The following HDAC8 variants were observed in gnomAD, a reference collection of about 807,000 sequenced individuals.
HDAC8 encodes the protein histone deacetylase-like 1.
In HDAC8, 1 loss-of-function variant was observed where a neutral mutation model predicts 32.2. That is an observed-to-expected ratio of 0.03 (90% CI 0.01 to 0.15). The LOEUF is 0.15. Ranked by LOEUF, HDAC8 falls within the 10% of genes least tolerant of loss-of-function variation. The pLI is 1.00. For synonymous variants in HDAC8, 108 were observed against 113.9 expected (o/e 0.95, Z 0.33); for missense variants, 117 against 300.0 (o/e 0.39, Z 4.51).
In HDAC8 at chrX:72,388,267, C is replaced by T. The variant is rs565258876; in HGVS notation, c.1006-36429G>A. On this transcript the variant is annotated intron_variant, in intron 9 of 10. Coordinates refer to ENST00000373573, the MANE Select transcript of HDAC8 (RefSeq NM_018486.3). The stretch of plus-strand genomic sequence containing the variant: ...TAACATGATTAAAGTTGAACTGTTA[C>T]AAAATAACTGATATGAAGGATGGAT... Among the ~76,000 whole-genome samples, 433 of 109,744 alleles carry T rather than the reference C, an allele frequency of 3.9e-3. 2 individuals carry two copies. The highest frequency in any genetic ancestry group is 6.1e-3 in the Non-Finnish European group (319 of 52,612).
intron 9 of HDAC8, among the ~76,000 whole-genome samples, chrX:72,392,747 C>T (rs979490769): frequency 3.6e-5 from 4 of 112,085 alleles, no homozygotes; most frequent in Admixed American, 9.5e-5. Flanking sequence ...AACCCTTTTT[C>T]TGTTCTGAAA....
chrX:72,549,691 A>G (rs1556064844), intron 4 of HDAC8, among the ~76,000 whole-genome samples: 3 of 111,717 alleles, frequency 2.7e-5, no homozygotes, highest in East Asian at 5.6e-4. Context: ...TTCTTAGTTA[A>G]TGGCAACATA....
intron 4 of HDAC8, among the ~76,000 whole-genome samples, chrX:72,556,110 CA>C (rs1337610457): frequency 9.0e-6 from 1 of 111,638 alleles, no homozygotes; most frequent in Non-Finnish European, 1.9e-5. Context: ...CCTCCTTAAA[CA>C]AAACAATTAT....
intron 4 of HDAC8, among the ~76,000 whole-genome samples, chrX:72,551,137 C>G (rs1053162434): frequency 9.1e-5 from 10 of 109,934 alleles, no homozygotes; most frequent in Non-Finnish European, 1.5e-4. Context: ...TCTGGTAGAA[C>G]AGTCCACAAT....
intron 9 of HDAC8, among the ~76,000 whole-genome samples, chrX:72,437,699 C>T (rs2046992515): frequency 8.9e-6 from 1 of 111,910 alleles, no homozygotes; most frequent in African/African-American, 3.2e-5. Flanking sequence ...GGCGGTTTTC[C>T]ACTCACAGTG....
chrX:72,513,504 T>G (rs906504878), intron 4 of HDAC8, among the ~76,000 whole-genome samples: 1 of 109,971 alleles, frequency 9.1e-6, no homozygotes, highest in Non-Finnish European at 1.9e-5. Context: ...TTTTTTGTAT[T>G]TTTAGCAGAG....
At chrX:72,432,792 G>A (rs1429637172) in intron 9 of HDAC8, among the ~76,000 whole-genome samples, 1 of 109,968 alleles carries the variant, frequency 9.1e-6, no homozygotes, top group Admixed American at 9.7e-5. Flanking sequence ...ATGGCATGGG[G>A]ACCACATCTA....
intron 9 of HDAC8, among the ~76,000 whole-genome samples, chrX:72,414,984 G>A (rs190339583): frequency 5.4e-5 from 6 of 111,867 alleles, no homozygotes; most frequent in East Asian, 5.6e-4. Context: ...ACTATTGTTC[G>A]GTTACCTTAC....
rs910070171 is a variant in HDAC8, at chrX:72,534,282, C to T, written c.437+33607G>A. On this transcript the variant is annotated intron_variant, in intron 4 of 10. Transcript: ENST00000373573. ...ATAATAGCATCAAAAGAATAAAATA[C>T]GTAGCTATATATATATGTGTATATA... is the stretch of plus-strand genomic sequence containing the variant. Among the ~76,000 whole-genome samples the T allele has an allele frequency of 7.8e-5, 8 of 102,854 alleles. No individual in the cohort carries two copies. In the South Asian group the frequency reaches 1.7e-3, roughly 22 times the overall value. 89.3% of individuals were successfully genotyped at this position (102,854 alleles called of 115,157 possible).
At chrX:72,489,148 T>C (rs1291155635) in intron 6 of HDAC8, 107 bp from the exon 7 acceptor site, 1 of 506,985 alleles carries the variant, frequency 2.0e-6, no homozygotes, top group Non-Finnish European at 3.2e-6. Context: ...TTAAGAAAAA[T>C]TATATAAAGA....
rs782112853 is a variant in HDAC8 at position 72,566,310 on chromosome X, C to T, written c.437+1579G>A. Among the ~76,000 whole-genome samples the T allele has an allele frequency of 9.9e-5, 11 of 111,412 alleles. No homozygotes were observed. The South Asian group carries it at 1.5e-3, about 15-fold the overall frequency. ...ATTGTCTTTATTAAAAAACAAAAAA[C>T]AAAAAACAAACAAACAAACAAACAA... is the stretch of plus-strand genomic sequence containing the variant. On this transcript the variant is annotated intron_variant, in intron 4 of 10. Transcript: ENST00000373573.
At chrX:72,440,807 G>A (rs970845038) in intron 9 of HDAC8, among the ~76,000 whole-genome samples, 1 of 112,173 alleles carries the variant, frequency 8.9e-6, no homozygotes, top group Non-Finnish European at 1.9e-5. Flanking sequence ...GACAGCACCT[G>A]GAAAATCGGG....
At chrX:72,556,723 C>A (rs964218546) in intron 4 of HDAC8, among the ~76,000 whole-genome samples, 9 of 111,479 alleles carry the variant, frequency 8.1e-5, no homozygotes, top group Non-Finnish European at 1.7e-4. Context: ...AATATATATG[C>A]ACCTAACACT....
intron 10 of HDAC8, among the ~76,000 whole-genome samples, chrX:72,342,146 A>T (rs2043903211): frequency 8.9e-6 from 1 of 112,539 alleles, no homozygotes; most frequent in African/African-American, 3.2e-5. Context: ...CTCCCTCCAA[A>T]ATGTGCTTGG....
chrX:72,525,813 CAAAAAAAAAAA>C (rs57801277), intron 4 of HDAC8, among the ~76,000 whole-genome samples: 2,150 of 21,532 alleles, frequency 0.1, 155 homozygotes, highest in African/African-American at 0.31. Context: ...GACTCTGTCT[CAAAAAAAAAAA>C]AAAAAAAAAA....
chrX:72,446,498 A>G (rs1396569810), intron 9 of HDAC8, among the ~76,000 whole-genome samples: 1 of 110,288 alleles, frequency 9.1e-6, no homozygotes, highest in Non-Finnish European at 1.9e-5. Context: ...GAACACGTGG[A>G]CACAGGAAGG....
intron 9 of HDAC8, among the ~76,000 whole-genome samples, chrX:72,354,271 G>A (rs58729714): frequency 0.18 from 19,728 of 111,615 alleles, 2,203 homozygotes; most frequent in South Asian, 0.47. Context: ...TTGCCAATCA[G>A]ATGTTATTCC....
chrX:72,421,778 A>G (rs2046499133), intron 9 of HDAC8, among the ~76,000 whole-genome samples: 2 of 111,818 alleles, frequency 1.8e-5, no homozygotes, highest in Non-Finnish European at 1.9e-5. Flanking sequence ...GCTTCGATTT[A>G]CAGTCTAGTG....
chrX:72,541,619 A>G (rs2050710231), intron 4 of HDAC8, among the ~76,000 whole-genome samples: 1 of 112,046 alleles, frequency 8.9e-6, no homozygotes. Context: ...TGTTGCAATA[A>G]TCAGTGAGAG....
Sources: allele counts gnomAD v4.1 joint callset (sites outside exome capture counted in the v4.1 genomes callset), GRCh38; gene constraint gnomAD v4.1.1; transcripts MANE v1.5; gene names NCBI Gene and HGNC (gene_info 2026-07-23, HGNC 2026-07-21).